SYNPR: variants seen among roughly 807,000 people sequenced by gnomAD.
SYNPR encodes the protein synaptoporin.
Under a neutral mutation model 32.9 loss-of-function variants are expected in SYNPR, and 23 were observed. The ratio of observed to expected loss-of-function variants is 0.70; its 90% confidence interval spans 0.50 to 0.99. The LOEUF (loss-of-function observed/expected upper bound fraction) is 0.99. Among genes scored for constraint, SYNPR ranks in the 50% least tolerant of loss-of-function variants. The probability of loss-of-function intolerance (pLI) is 0.00; values close to 1 mark genes in which losing one functional copy is unlikely to be tolerated. For synonymous variants in SYNPR, 146 were observed against 135.9 expected, an observed-to-expected ratio of 1.07 and a Z score of -0.52; for missense variants, 318 against 349.3, an observed-to-expected ratio of 0.91 and a Z score of 0.71.
chr3:63,476,294 G>A (rs1700917144), intron 2 of SYNPR, among the ~76,000 whole-genome samples: 1 of 113,432 alleles, frequency 8.8e-6, no homozygotes, highest in Non-Finnish European at 1.8e-5. Context: ...GGAAGGGAAG[G>A]GAGGGAAGGA....
At chr3:63,592,359 A>G (rs1699849883) in intron 4 of SYNPR, among the ~76,000 whole-genome samples, 1 of 152,152 alleles carries the variant, frequency 6.6e-6, no homozygotes, top group Non-Finnish European at 1.5e-5. Flanking sequence ...CAATATAACG[A>G]GATTAAAACA....
intron 2 of SYNPR, among the ~76,000 whole-genome samples, chr3:63,370,151 T>C (rs1355520609): frequency 2.0e-5 from 3 of 152,144 alleles, no homozygotes; most frequent in Admixed American, 6.5e-5. Flanking sequence ...GATACGTAAA[T>C]GAGAGAAATT....
At chr3:63,425,000 C>G (rs1259667395) in intron 2 of SYNPR, among the ~76,000 whole-genome samples, 1 of 152,174 alleles carries the variant, frequency 6.6e-6, no homozygotes, top group East Asian at 1.9e-4. Context: ...CAATCCCAAT[C>G]ACATTAGATC....
Position 63,562,563 on chromosome 3 carries a change from G to A in SYNPR, c.408+5822G>A, listed in dbSNP as rs114660149. ...GATGGCAGGCAAACAGTGGTATCAC[G>A]GCTCACCTTGGTTTCATGACCAGTG... On this transcript the variant is annotated intron_variant, in intron 4 of 5. Coordinates refer to ENST00000478300, the MANE Select transcript of SYNPR (RefSeq NM_001130003.2). 6.7e-3 allele frequency among the ~76,000 whole-genome samples: 1,016 copies of A among 152,268 alleles called. 10 individuals carry two copies. The highest frequency in any genetic ancestry group is 0.023 in the African/African-American group (941 of 41,548).
At chr3:63,546,134 T>C (rs1307368040) in intron 3 of SYNPR, among the ~76,000 whole-genome samples, 2 of 152,134 alleles carry the variant, frequency 1.3e-5, no homozygotes, top group African/African-American at 4.8e-5. Flanking sequence ...TCTATTTTAA[T>C]TTGACAACGT....
chr3:63,503,247 T>G (rs1701518016), intron 3 of SYNPR, among the ~76,000 whole-genome samples: 1 of 152,180 alleles, frequency 6.6e-6, no homozygotes, highest in African/African-American at 2.4e-5. Context: ...TCTGCATATC[T>G]TCTTTGGTGA....
At chr3:63,565,196 C>T (rs1241948550) in intron 4 of SYNPR, among the ~76,000 whole-genome samples, 1 of 152,184 alleles carries the variant, frequency 6.6e-6, no homozygotes, top group African/African-American at 2.4e-5. Context: ...GGGTTTTCAA[C>T]TCCTGTCCTA....
At chr3:63,434,615 T>G (rs1192753288) in intron 2 of SYNPR, among the ~76,000 whole-genome samples, 1 of 152,230 alleles carries the variant, frequency 6.6e-6, no homozygotes, top group Non-Finnish European at 1.5e-5. Context: ...ACAAGATTCT[T>G]GTAAAAACTG....
intron 4 of SYNPR, among the ~76,000 whole-genome samples, chr3:63,589,601 T>C (rs1703268736): frequency 2.0e-5 from 3 of 150,780 alleles, no homozygotes; most frequent in Non-Finnish European, 3.0e-5. Flanking sequence ...AAAAAGCTTA[T>C]CCACCATGAT....
intron 3 of SYNPR, among the ~76,000 whole-genome samples, chr3:63,483,833 TA>T (rs1701093265): frequency 6.6e-6 from 1 of 152,162 alleles, no homozygotes; most frequent in African/African-American, 2.4e-5. Flanking sequence ...TGCTTATGCT[TA>T]AAAAAGTTAT....
chr3:63,358,859 G>A (rs575555997), intron 2 of SYNPR, among the ~76,000 whole-genome samples: 19 of 152,244 alleles, frequency 1.2e-4, no homozygotes, highest in Non-Finnish European at 1.8e-4. Flanking sequence ...GGCATAGCTA[G>A]TTTGTGGCTG....
At chr3:63,417,310 G>A (rs111756583) in intron 2 of SYNPR, among the ~76,000 whole-genome samples, 18 of 152,374 alleles carry the variant, frequency 1.2e-4, no homozygotes, top group African/African-American at 4.1e-4. Context: ...TCACACTGTT[G>A]CAAGAGGTGG....
At chr3:63,201,737 C>T in the SYNPR span, among the ~76,000 whole-genome samples, 7 of 151,836 alleles carry the variant, frequency 4.6e-5, no homozygotes, top group Non-Finnish European at 1.0e-4. Flanking sequence ...AAAAAAATTA[C>T]ACCAAAAATA....
intron 2 of SYNPR, among the ~76,000 whole-genome samples, chr3:63,459,747 A>G (rs897794555): frequency 1.3e-5 from 2 of 152,116 alleles, no homozygotes; most frequent in Non-Finnish European, 2.9e-5. Flanking sequence ...GGCCCCGGAA[A>G]GGAATATGGG....
intron 2 of SYNPR, among the ~76,000 whole-genome samples, chr3:63,356,022 A>C (rs988722419): frequency 6.6e-6 from 1 of 152,114 alleles, no homozygotes; most frequent in Non-Finnish European, 1.5e-5. Flanking sequence ...GGAATTCCAC[A>C]TTCCCTCCTA....
chr3:63,267,317 G>T (rs2086498464), exon 3 of SYNPR: 1 of 152,160 alleles, frequency 6.6e-6, no homozygotes, highest in Non-Finnish European at 1.5e-5. Flanking sequence ...GTCCTCTTAG[G>T]TTCTGCCTTA....
intron 4 of SYNPR, among the ~76,000 whole-genome samples, chr3:63,563,614 TTA>T (rs1206521802): frequency 6.6e-6 from 1 of 152,152 alleles, no homozygotes; most frequent in East Asian, 1.9e-4. Context: ...TCTCTCCTGT[TTA>T]TGTCAGTTCC....
rs1315412237 is a variant in SYNPR, at chr3:63,494,487, A to T, written c.209+13531A>T. ...TATATACACATATATACATATATAT[A>T]CATATATATACATATATACATATAT... is the stretch of plus-strand genomic sequence containing the variant. On this transcript the variant is annotated intron_variant, in intron 3 of 5. Coordinates refer to ENST00000478300, the MANE Select transcript of SYNPR (RefSeq NM_001130003.2). Among the ~76,000 whole-genome samples the T allele has an allele frequency of 8.4e-3, 989 of 117,148 alleles. 16 individuals carry two copies. The highest frequency in any genetic ancestry group is 0.029 in the African/African-American group (911 of 31,906). The allele number at this position is 117,148 out of a possible 152,430, so 76.9% of individuals were successfully genotyped here.
At chr3:63,572,612 T>A (rs1702907463) in intron 4 of SYNPR, among the ~76,000 whole-genome samples, 1 of 152,158 alleles carries the variant, frequency 6.6e-6, no homozygotes, top group Non-Finnish European at 1.5e-5. Context: ...AAGTATAGAA[T>A]CTTTATTGGT....
Sources: gnomAD v4.1 joint callset for allele counts (sites outside exome capture counted in the v4.1 genomes callset) on GRCh38, gnomAD v4.1.1 for gene constraint, MANE v1.5 for transcripts, NCBI Gene and HGNC (gene_info 2026-07-23, HGNC 2026-07-21) for gene names.